Variants in RALGAPA1 observed in about 807,000 individuals in gnomAD.
RALGAPA1 encodes the protein ral GTPase-activating protein subunit alpha-1.
RALGAPA1 carries 52 observed loss-of-function variants against 269.6 expected under a neutral mutation model. The ratio of observed to expected loss-of-function variants is 0.19; its 90% confidence interval spans 0.15 to 0.24. The LOEUF (loss-of-function observed/expected upper bound fraction) is 0.24, where lower values mean the gene tolerates loss of function less well. RALGAPA1 is among the 10% of genes least tolerant of loss of function. The pLI, the probability that RALGAPA1 is intolerant of heterozygous loss-of-function variation, is 1.00. For synonymous variants in RALGAPA1, 817 were observed against 1,008.3 expected (o/e 0.81, Z 3.60); for missense variants, 1,917 against 3,013.9 (o/e 0.64, Z 8.52).
chr14:35,560,208 ACAAT>A (rs2056070891), intron 39 of RALGAPA1, among the ~76,000 whole-genome samples: 1 of 152,216 alleles, frequency 6.6e-6, no homozygotes, highest in Non-Finnish European at 1.5e-5. Flanking sequence ...CTGCCATAAA[ACAAT>A]CAGTAGCATT....
intron 12 of RALGAPA1, among the ~76,000 whole-genome samples, chr14:35,736,354 G>A (rs992692170): frequency 1.3e-5 from 2 of 152,118 alleles, no homozygotes; most frequent in Non-Finnish European, 2.9e-5. Context: ...TTTAGTTAAG[G>A]ATTCACAGAA....
At chr14:35,739,270 A>G (rs1021591928) in intron 11 of RALGAPA1, among the ~76,000 whole-genome samples, 2 of 152,136 alleles carry the variant, frequency 1.3e-5, no homozygotes, top group African/African-American at 4.8e-5. Context: ...TCATTCACCA[A>G]TATCTTTAAA....
rs549692572 is a variant in RALGAPA1 at position 35,779,765 on chromosome 14, A to G, written c.107-4020T>C. Among the ~76,000 whole-genome samples, 48 of 152,248 alleles carry G rather than the reference A, an allele frequency of 3.2e-4. 1 individual carries two copies. Among genetic ancestry groups the G allele is most frequent in the South Asian group, 6.2e-4 (3 of 4,826 alleles). On this transcript the variant is annotated intron_variant, in intron 1 of 41. Transcript: ENST00000680220. ...TTAGGAGCCAAAGTATTCTCTCTCA[A>G]TTTCCTTCCCATAAGGCATGCTAAC...
At chr14:35,792,753 G>C (rs2076266650) in intron 1 of RALGAPA1, among the ~76,000 whole-genome samples, 1 of 148,586 alleles carries the variant, frequency 6.7e-6, no homozygotes, top group South Asian at 2.2e-4. Flanking sequence ...ACTCCAGCCT[G>C]GGCGACAGAG....
intron 12 of RALGAPA1, among the ~76,000 whole-genome samples, chr14:35,733,469 C>G (rs543553107): frequency 6.6e-6 from 1 of 152,186 alleles, no homozygotes; most frequent in South Asian, 2.1e-4. Flanking sequence ...AAGAGTGAAA[C>G]TCTGTCTCAA....
At chr14:35,799,378 AT>A (rs1376376334) in intron 1 of RALGAPA1, among the ~76,000 whole-genome samples, 1 of 152,124 alleles carries the variant, frequency 6.6e-6, no homozygotes, top group Non-Finnish European at 1.5e-5. Flanking sequence ...CCTGGCCAAC[AT>A]GGGGAAACCC....
intron 16 of RALGAPA1, among the ~76,000 whole-genome samples, chr14:35,707,890 T>C (rs1013488897): frequency 1.6e-4 from 25 of 151,948 alleles, no homozygotes; most frequent in African/African-American, 6.0e-4. Flanking sequence ...CTTTTATCAG[T>C]AAATAAAAGG....
Position 35,570,693 on chromosome 14 carries a change from G to T in RALGAPA1, c.7420C>A (p.Leu2474Ile), listed in dbSNP as rs766489714. 1 of 1,611,792 alleles carries T rather than the reference G, an allele frequency of 6.2e-7. No homozygotes were observed. The highest frequency in any genetic ancestry group is 1.7e-5 in the Admixed American group (1 of 59,706). Reference sequence around the variant, plus strand: ...GCTGTTGCTCTAACCATAATGGGTAGAACCTTTCCATTCACAATAGCACCA... The same window carrying T: ...GCTGTTGCTCTAACCATAATGGGTATAACCTTTCCATTCACAATAGCACCA... Reference protein sequence around the residue: ...FDGAIVNGKVLPIMVRATAIN... With the variant: ...FDGAIVNGKVIPIMVRATAIN... The change falls in exon 39 of 42, where the codon CTA becomes ATA. Residue 2474 changes from leucine to isoleucine, a missense_variant. Around this residue, in one of 11 missense-constraint regions of RALGAPA1, gnomAD observed 91 missense variants for 130.9 expected, o/e 0.70. Transcript: ENST00000680220.
At chr14:35,671,581 G>T in intron 25 of RALGAPA1, 64 bp from the exon 26 acceptor site, 1 of 826,050 alleles carries the variant, frequency 1.2e-6, no homozygotes, top group Non-Finnish European at 2.0e-6. Flanking sequence ...CAGCTAATCA[G>T]TATCATTAAA....
At chr14:35,628,005 T>C (rs2061096153) in intron 33 of RALGAPA1, 54 bp from the exon 34 acceptor site, 2 of 1,490,690 alleles carry the variant, frequency 1.3e-6, no homozygotes, top group Non-Finnish European at 1.8e-6. Flanking sequence ...TAGGGAATCA[T>C]ATGACAATGA....
intron 17 of RALGAPA1, among the ~76,000 whole-genome samples, chr14:35,696,593 A>G (rs1329464646): frequency 1.5e-5 from 2 of 137,812 alleles, no homozygotes; most frequent in African/African-American, 6.4e-5. Context: ...TTTCTCATAG[A>G]TTTTGGTACG....
At chr14:35,541,186 C>CA (rs1362014335) in intron 41 of RALGAPA1, among the ~76,000 whole-genome samples, 1 of 151,676 alleles carries the variant, frequency 6.6e-6, no homozygotes, top group Non-Finnish European at 1.5e-5. Flanking sequence ...GCTGGGACCA[C>CA]AGGTGCGCAC....
intron 21 of RALGAPA1, among the ~76,000 whole-genome samples, chr14:35,679,414 C>T (rs907304505): frequency 6.6e-6 from 1 of 152,174 alleles, no homozygotes. Flanking sequence ...AAAATTGTAC[C>T]TAATACACCT....
intron 1 of RALGAPA1, among the ~76,000 whole-genome samples, chr14:35,802,178 T>G (rs2077026042): frequency 6.6e-6 from 1 of 152,122 alleles, no homozygotes. Flanking sequence ...CTCAGTGGTG[T>G]GTGCCTGTAA....
intron 37 of RALGAPA1, among the ~76,000 whole-genome samples, chr14:35,583,239 A>T (rs1228453317): frequency 6.6e-6 from 1 of 152,190 alleles, no homozygotes; most frequent in Non-Finnish European, 1.5e-5. Context: ...TGGACAATGT[A>T]TGTAGAGAGA....
In RALGAPA1 at chr14:35,720,302, C is replaced by T. The variant is rs562834283; in HGVS notation, c.2266+1386G>A. On this transcript the variant is annotated intron_variant, in intron 16 of 41. Transcript: ENST00000680220. ...ATAAGACAATTCTGAATATGTGATCCTTTTAAAGGATTTTACATTAACCAT... is the reference window on the plus strand; with the variant it reads ...ATAAGACAATTCTGAATATGTGATCTTTTTAAAGGATTTTACATTAACCAT... 6.6e-5 allele frequency among the ~76,000 whole-genome samples: 10 copies of T among 152,170 alleles called. No individual in the cohort carries two copies. The South Asian group carries it at 2.1e-3, about 32-fold the overall frequency.
intron 3 of RALGAPA1, among the ~76,000 whole-genome samples, chr14:35,771,394 C>T (rs1032892335): frequency 1.3e-5 from 2 of 151,892 alleles, no homozygotes; most frequent in African/African-American, 4.8e-5. Context: ...AACTCCGTCT[C>T]GAAACAAAAC....
chr14:35,652,240 G>A (rs779183901), intron 30 of RALGAPA1, among the ~76,000 whole-genome samples: 1 of 151,876 alleles, frequency 6.6e-6, no homozygotes, highest in Non-Finnish European at 1.5e-5. Flanking sequence ...TCATAGGCTG[G>A]GCACGGTGGC....
intron 34 of RALGAPA1, 77 bp downstream of exon 34, chr14:35,627,013 G>T: frequency 7.9e-7 from 1 of 1,269,972 alleles, no homozygotes; most frequent in Non-Finnish European, 1.0e-6. Flanking sequence ...GAAAAGAACA[G>T]AAAATAAAAT....
Sources: allele counts gnomAD v4.1 joint callset (sites outside exome capture counted in the v4.1 genomes callset), GRCh38; gene constraint gnomAD v4.1.1; regional missense constraint gnomAD v4.1.1; transcripts MANE v1.5; gene names NCBI Gene and HGNC (gene_info 2026-07-23, HGNC 2026-07-21).